INPP4B: variants seen among roughly 807,000 people sequenced by gnomAD.
INPP4B encodes the protein inositol polyphosphate-4-phosphatase type II B, also known as inositol polyphosphate 4-phosphatase type II.
Under a neutral mutation model 122.5 loss-of-function variants are expected in INPP4B, and 55 were observed. That is an observed-to-expected ratio of 0.45 (90% confidence interval 0.36 to 0.56). The LOEUF (loss-of-function observed/expected upper bound fraction) is 0.56, where lower values mean the gene tolerates loss of function less well. Ranked by LOEUF, INPP4B falls within the 20% of genes least tolerant of loss-of-function variation. INPP4B has a pLI of 0.00. For synonymous variants in INPP4B, 403 were observed against 388.7 expected, an observed-to-expected ratio of 1.04 and a Z score of -0.43; for missense variants, 1,000 against 1,097.7, an observed-to-expected ratio of 0.91 and a Z score of 1.26.
chr4:142,511,965 A>C (rs978657435), intron 2 of INPP4B, among the ~76,000 whole-genome samples: 8 of 152,152 alleles, frequency 5.3e-5, no homozygotes, highest in African/African-American at 1.9e-4. Flanking sequence ...GATTTGTTTG[A>C]TACATTTATA....
At chr4:142,274,807 G>A (rs1233540627) in intron 9 of INPP4B, among the ~76,000 whole-genome samples, 1 of 151,768 alleles carries the variant, frequency 6.6e-6, no homozygotes, top group East Asian at 1.9e-4. Context: ...TTCAGATAGT[G>A]TATTGCCAGG....
chr4:142,764,518 G>A lies in INPP4B; in HGVS notation c.-253-38617C>T, dbSNP rs564929605. On this transcript the variant is annotated intron_variant, in intron 1 of 25. Coordinates refer to ENST00000262992, the MANE Select transcript of INPP4B (RefSeq NM_001101669.3). ...TCTTAGTTGGGGCTCTAATGATACT[G>A]AGATCCCACCCTGTGAACATAACCA... Among the ~76,000 whole-genome samples the A allele has an allele frequency of 3.3e-5, 5 of 152,194 alleles. No individual in the cohort carries two copies. The South Asian group carries it at 1.0e-3, about 32-fold the overall frequency.
At chr4:142,711,491 G>C (rs1414459466) in intron 2 of INPP4B, among the ~76,000 whole-genome samples, 1 of 151,940 alleles carries the variant, frequency 6.6e-6, no homozygotes, top group Non-Finnish European at 1.5e-5. Flanking sequence ...AAAAGAATGA[G>C]TGACTATCAT....
At chr4:142,507,981 A>AC (rs1254628933) in intron 2 of INPP4B, among the ~76,000 whole-genome samples, 5 of 151,840 alleles carry the variant, frequency 3.3e-5, no homozygotes, top group Admixed American at 6.6e-5. Context: ...TAGGCCCCTG[A>AC]CCCCCCTTTT....
intron 2 of INPP4B, among the ~76,000 whole-genome samples, chr4:142,622,382 C>A (rs1052101333): frequency 6.6e-6 from 1 of 151,390 alleles, no homozygotes; most frequent in Non-Finnish European, 1.5e-5. Context: ...TACCAAGATG[C>A]CCAGGTGCTC....
intron 2 of INPP4B, among the ~76,000 whole-genome samples, chr4:142,649,332 TC>T (rs1311212765): frequency 6.6e-6 from 1 of 152,144 alleles, no homozygotes; most frequent in Non-Finnish European, 1.5e-5. Flanking sequence ...GGATCTCAGC[TC>T]CTTGCCAGCA....
chr4:142,112,150 A>C (rs1051027078), intron 22 of INPP4B, among the ~76,000 whole-genome samples: 17 of 152,224 alleles, frequency 1.1e-4, no homozygotes, highest in African/African-American at 2.7e-4. Flanking sequence ...AACCATTAAA[A>C]TAAACACAAA....
intron 12 of INPP4B, among the ~76,000 whole-genome samples, chr4:142,235,458 G>C (rs1027515650): frequency 6.6e-6 from 1 of 152,060 alleles, no homozygotes. Flanking sequence ...GTCTCGCTCT[G>C]TCGCCGAGGC....
At chr4:142,306,687 A>G (rs1335395157) in intron 8 of INPP4B, among the ~76,000 whole-genome samples, 1 of 152,190 alleles carries the variant, frequency 6.6e-6, no homozygotes, top group East Asian at 1.9e-4. Flanking sequence ...AGCTGGTCCT[A>G]AAAGGCTTAA....
At chr4:142,843,963 A>C (rs1031179574) in intron 1 of INPP4B, among the ~76,000 whole-genome samples, 2 of 152,140 alleles carry the variant, frequency 1.3e-5, no homozygotes, top group Non-Finnish European at 2.9e-5. Flanking sequence ...CTTTTCCCTA[A>C]GCTTAATGAT....
intron 2 of INPP4B, among the ~76,000 whole-genome samples, chr4:142,672,692 A>T (rs1220271641): frequency 1.3e-5 from 2 of 152,046 alleles, no homozygotes; most frequent in Non-Finnish European, 2.9e-5. Flanking sequence ...TTTTCTTCCC[A>T]CCTTTTAATT....
chr4:142,642,055 T>C (rs1017502366), intron 2 of INPP4B, among the ~76,000 whole-genome samples: 3 of 152,238 alleles, frequency 2.0e-5, no homozygotes, highest in Non-Finnish European at 2.9e-5. Flanking sequence ...GTTGGCTGCA[T>C]TGATGTCTTC....
chr4:142,040,700 C>G (rs1746898293), intron 25 of INPP4B, among the ~76,000 whole-genome samples: 2 of 152,106 alleles, frequency 1.3e-5, no homozygotes, highest in South Asian at 4.1e-4. Context: ...TTTCTCTGTA[C>G]AGAAACTCTA....
chr4:142,670,266 T>C (rs957353938), intron 2 of INPP4B, among the ~76,000 whole-genome samples: 5 of 152,120 alleles, frequency 3.3e-5, no homozygotes, highest in African/African-American at 1.2e-4. Flanking sequence ...AGAACTACCA[T>C]ATGATCCAGC....
intron 2 of INPP4B, among the ~76,000 whole-genome samples, chr4:142,615,506 G>A (rs1743502880): frequency 6.6e-6 from 1 of 152,206 alleles, no homozygotes; most frequent in Non-Finnish European, 1.5e-5. Context: ...CTAGGTCAGA[G>A]TGACCTGTAG....
At chr4:142,248,636 GTGTGTGTGTGTGTGTA>G (rs1730314382) in intron 11 of INPP4B, among the ~76,000 whole-genome samples, 1 of 149,854 alleles carries the variant, frequency 6.7e-6, no homozygotes, top group Non-Finnish European at 1.5e-5. Flanking sequence ...CTGTATGTGT[GTGTGTGTGTGTGTGTA>G]TGTGTGTGTG....
chr4:142,373,224 C>G lies in INPP4B; in HGVS notation c.372+29714G>C, dbSNP rs143196135. Among the ~76,000 whole-genome samples the G allele has an allele frequency of 2.0e-5, 3 of 152,014 alleles. No homozygotes were observed. In the East Asian group the frequency reaches 5.8e-4, roughly 29 times the overall value. On this transcript the variant is annotated intron_variant, in intron 7 of 25. Transcript: ENST00000262992. ...CATCTTTATTGAATAGATTGGTGCC[C>G]TTTCATAAAGCAGAAAGTGTTTGAG...
intron 3 of INPP4B, among the ~76,000 whole-genome samples, chr4:142,437,033 C>A (rs1026780522): frequency 6.6e-6 from 1 of 152,004 alleles, no homozygotes; most frequent in Non-Finnish European, 1.5e-5. Context: ...GTTACAGGAG[C>A]TGCTAACTAG....
intron 1 of INPP4B, among the ~76,000 whole-genome samples, chr4:142,811,080 A>T (rs574330675): frequency 1.3e-5 from 2 of 152,314 alleles, no homozygotes; most frequent in Admixed American, 6.5e-5. Flanking sequence ...TAAATTCTAC[A>T]CTTACTGTCT....
Sources: gnomAD v4.1 joint callset for allele counts (sites outside exome capture counted in the v4.1 genomes callset) on GRCh38, gnomAD v4.1.1 for gene constraint, MANE v1.5 for transcripts, NCBI Gene and HGNC (gene_info 2026-07-23, HGNC 2026-07-21) for gene names.